Variants in C22orf42 observed in about 807,000 individuals in gnomAD.
C22orf42 encodes uncharacterized protein C22orf42.
Under a neutral mutation model 31.4 loss-of-function variants are expected in C22orf42, and 24 were observed. The ratio of observed to expected loss-of-function variants is 0.77; its 90% CI spans 0.55 to 1.08. The LOEUF (loss-of-function observed/expected upper bound fraction) is 1.08, where lower values mean the gene tolerates loss of function less well. Ranked by LOEUF, C22orf42 falls within the 50% of genes least tolerant of loss-of-function variation. The pLI, the probability that C22orf42 is intolerant of heterozygous loss-of-function variation, is 0.00. For missense variants in C22orf42, 276 were observed against 327.3 expected, an observed-to-expected ratio of 0.84 and a Z score of 1.21; for synonymous variants, 96 against 112.7, an observed-to-expected ratio of 0.85 and a Z score of 0.94.
chr22:32,151,496 C>T lies in C22orf42; in HGVS notation c.456G>A (p.Thr152=), dbSNP rs576487367. The change falls in exon 5 of 9, where the codon ACG becomes ACA. Residue 152 remains threonine, a synonymous_variant. Coordinates refer to ENST00000382097, the MANE Select transcript of C22orf42 (RefSeq NM_001010859.3). ...AAGAAATACATCTTACAATATCTGA[C>T]GTTATATTCTCCTCCACACCGCCGT... ...SAHGGVEENI[T]SDIEISEAKH... The T allele has an allele frequency of 2.5e-5, 40 of 1,612,924 alleles. No individual in the cohort carries two copies. The highest frequency in any genetic ancestry group is 9.3e-5 in the African/African-American group (7 of 75,038).
intron 5 of C22orf42, 95 bp downstream of exon 5, chr22:32,151,392 C>A: frequency 7.8e-7 from 1 of 1,286,144 alleles, no homozygotes; most frequent in Non-Finnish European, 1.1e-6. Flanking sequence ...AGGCCTGAAT[C>A]ATGATGGCAG....
At chr22:32,153,064 C>G (rs1170363048) in intron 2 of C22orf42, among the ~76,000 whole-genome samples, 2 of 152,192 alleles carry the variant, frequency 1.3e-5, no homozygotes, top group Non-Finnish European at 2.9e-5. Flanking sequence ...ACATATTTAT[C>G]ATTTTAATTA....
At chr22:32,151,721 A>G (rs925697255) in intron 4 of C22orf42, among the ~76,000 whole-genome samples, 170 bp from the exon 5 acceptor site, 6 of 152,310 alleles carry the variant, frequency 3.9e-5, no homozygotes, top group Middle Eastern at 3.4e-3. Flanking sequence ...GCAAAGGAGA[A>G]GGGTAGAAAG....
intron 1 of C22orf42, among the ~76,000 whole-genome samples, chr22:32,158,720 G>C (rs1455885646): frequency 6.6e-6 from 1 of 152,120 alleles, no homozygotes; most frequent in African/African-American, 2.4e-5. Context: ...GAATGGGATG[G>C]GGACTCCAAA....
intron 1 of C22orf42, among the ~76,000 whole-genome samples, chr22:32,158,309 C>T (rs1341012066): frequency 6.6e-6 from 1 of 152,178 alleles, no homozygotes; most frequent in Non-Finnish European, 1.5e-5. Context: ...GCTGAAGAGA[C>T]ACTCATGTCA....
intron 1 of C22orf42, among the ~76,000 whole-genome samples, chr22:32,155,626 G>A (rs547977011): frequency 7.9e-5 from 12 of 151,526 alleles, no homozygotes; most frequent in Non-Finnish European, 1.8e-4. Flanking sequence ...ACTGTTTAAC[G>A]TTTTAATCAA....
rs1426279993 is a variant in C22orf42 at position 32,151,728 on chromosome 22, A to G, written c.401-177T>C. Among the ~76,000 whole-genome samples, 3 of 152,206 alleles carry G rather than the reference A, an allele frequency of 2.0e-5. No individual in the cohort carries two copies. In the East Asian group the frequency reaches 5.8e-4, roughly 29 times the overall value. On this transcript the variant is annotated intron_variant, in intron 4 of 8. Coordinates refer to ENST00000382097, the MANE Select transcript of C22orf42 (RefSeq NM_001010859.3). ...GAAGGAAGGCAAAGGAGAAGGGTAG[A>G]AAGAAATGAAAGAGCCTTGGCTTTC... is the stretch of plus-strand genomic sequence containing the variant.
chr22:32,150,960 G>A (rs1417488536), intron 6 of C22orf42, 32 bp downstream of exon 6: 26 of 1,597,688 alleles, frequency 1.6e-5, no homozygotes, highest in South Asian at 1.3e-4. Context: ...TCAACTACAC[G>A]TAAATAAAGC....
chr22:32,152,768 C>T, intron 2 of C22orf42, 142 bp from the exon 3 acceptor site: 1 of 771,788 alleles, frequency 1.3e-6, no homozygotes, highest in Non-Finnish European at 2.3e-6. Context: ...GGACCATTCT[C>T]CTTGGTGTTG....
At chr22:32,155,081 A>G (rs1204633168) in intron 1 of C22orf42, among the ~76,000 whole-genome samples, 1 of 152,232 alleles carries the variant, frequency 6.6e-6, no homozygotes. Context: ...GAGTTACCAC[A>G]GTGAGGCATG....
chr22:32,151,558 G>C lies in C22orf42; in HGVS notation c.401-7C>G, dbSNP rs377084178. ...TGCACATCTTCAGTGGGACCTAGGA[G>C]AACACAGAGTGACAGTCAGTGCATT... On this transcript the variant is annotated splice_region_variant and splice_polypyrimidine_tract_variant and intron_variant, in intron 4 of 8. Coordinates refer to ENST00000382097, the MANE Select transcript of C22orf42 (RefSeq NM_001010859.3). 5 of 1,613,502 alleles carry C rather than the reference G, an allele frequency of 3.1e-6. No homozygotes were observed. The highest frequency in any genetic ancestry group is 4.2e-6 in the Non-Finnish European group (5 of 1,179,538).
At chr22:32,158,920 AG>A in intron 1 of C22orf42, 63 bp downstream of exon 1, 3 of 1,569,682 alleles carry the variant, frequency 1.9e-6, no homozygotes, top group Non-Finnish European at 2.6e-6. Flanking sequence ...GGGACTGCAA[AG>A]GGGTGGGGGC....
Position 32,149,501 on chromosome 22 carries a change from C to T in C22orf42, c.*39G>A, listed in dbSNP as rs1413477883. The T allele has an allele frequency of 1.1e-5, 17 of 1,498,880 alleles. No homozygotes were observed. The highest frequency in any genetic ancestry group is 4.9e-5 in the East Asian group (2 of 40,406). 92.8% of individuals were successfully genotyped at this position (1,498,880 alleles called of 1,614,324 possible). A position where few individuals can be genotyped will look rare whatever the true frequency, so the allele number is the denominator to read the frequency against. ...CATTCATAAAATGATTTGAGCTGGG[C>T]GTGATGGCAGGCGTCTGTAATCCCA... On this transcript the variant is annotated 3_prime_UTR_variant, in exon 9 of 9. Transcript: ENST00000382097.
chr22:32,149,844 C>T, intron 7 of C22orf42, 64 bp from the exon 8 acceptor site: 1 of 1,297,980 alleles, frequency 7.7e-7, no homozygotes, highest in Non-Finnish European at 9.9e-7. Flanking sequence ...TGGCACAGGT[C>T]TATTATTCAC....
At chr22:32,152,507 A>C in intron 3 of C22orf42, 55 bp downstream of exon 3, 2 of 1,431,686 alleles carry the variant, frequency 1.4e-6, no homozygotes, top group South Asian at 2.3e-5. Flanking sequence ...GATATTCTAG[A>C]AGCCCCAGAA....
upstream of C22orf42, chr22:32,160,125 G>A (rs548335314): frequency 1.3e-5 from 2 of 152,162 alleles, no homozygotes; most frequent in East Asian, 1.9e-4. Flanking sequence ...TCCATTTTAC[G>A]GATTTTGCAG....
upstream of C22orf42, chr22:32,160,093 T>C (rs1339137903): frequency 6.6e-6 from 1 of 152,238 alleles, no homozygotes; most frequent in Non-Finnish European, 1.5e-5. Context: ...AGTGGTATAC[T>C]AATTTAACCC....
At chr22:32,156,750 T>C (rs896288029) in intron 1 of C22orf42, among the ~76,000 whole-genome samples, 1 of 145,690 alleles carries the variant, frequency 6.9e-6, no homozygotes, top group Non-Finnish European at 1.5e-5. Context: ...ATTTTACTAG[T>C]CCCTTACTAG....
Position 32,152,646 on chromosome 22 carries a change from C to T in C22orf42, c.308-20G>A, listed in dbSNP as rs192820675. 6.8e-4 allele frequency: 1,104 copies of T among 1,612,308 alleles called. 2 individuals are homozygous for T. The highest frequency in any genetic ancestry group is 8.8e-4 in the Non-Finnish European group (1,038 of 1,178,364). ...TGGGACCTAGGAGAACACAGAGTGA[C>T]AGTCAGTGCATTGGTGCTGCTGAGG... On this transcript the variant is annotated intron_variant, in intron 2 of 8. Coordinates refer to ENST00000382097, the MANE Select transcript of C22orf42 (RefSeq NM_001010859.3).
Sources: gnomAD v4.1 joint callset for allele counts (sites outside exome capture counted in the v4.1 genomes callset) on GRCh38, gnomAD v4.1.1 for gene constraint, MANE v1.5 for transcripts, NCBI Gene and HGNC (gene_info 2026-07-23, HGNC 2026-07-21) for gene names.